Variants in HIVEP3 observed in about 807,000 individuals in gnomAD.
HIVEP3 encodes HIVEP zinc finger 3, also known as transcription factor HIVEP3.
Under a neutral mutation model 152.8 loss-of-function variants are expected in HIVEP3, and 49 were observed. The ratio of observed to expected loss-of-function variants is 0.32; its 90% CI spans 0.26 to 0.41. HIVEP3 has a LOEUF of 0.41. Among genes scored for constraint, HIVEP3 ranks in the 10% least tolerant of loss-of-function variants. The pLI is 1.00. For synonymous variants in HIVEP3, 1,269 were observed against 1,289.0 expected (o/e 0.98, Z 0.33); for missense variants, 2,790 against 3,103.3 (o/e 0.90, Z 2.40).
chr1:41,601,251 A>G (rs1644744666), intron 3 of HIVEP3, among the ~76,000 whole-genome samples: 1 of 152,170 alleles, frequency 6.6e-6, no homozygotes, highest in African/African-American at 2.4e-5. Context: ...GTGGTTCCAT[A>G]TAAATCACAG....
At chr1:41,769,293 A>G (rs890832780) in intron 1 of HIVEP3, among the ~76,000 whole-genome samples, 1 of 152,230 alleles carries the variant, frequency 6.6e-6, no homozygotes. Flanking sequence ...ACGGGGGGTT[A>G]GTGACTCAGG....
intron 1 of HIVEP3, among the ~76,000 whole-genome samples, chr1:41,722,467 C>CTTT (rs1646690843): frequency 2.0e-5 from 2 of 99,290 alleles, no homozygotes; most frequent in Admixed American, 9.5e-5. Context: ...CTTCCTTCCT[C>CTTT]CCCTTCCCTC....
Position 41,582,007 on chromosome 1 carries a change from T to C in HIVEP3, c.2791A>G (p.Ser931Gly). The change falls in exon 4 of 9, where the codon AGC (serine) becomes GGC (glycine). Residue 931 changes from serine to glycine, a missense_variant. This residue lies in a region of HIVEP3 where 1,078 missense variants were observed against 1,165.3 expected (regional missense o/e 0.93). Transcript: ENST00000372583. This position sits in a 1 kb window ranked among gnomAD's most constrained non-coding sequence, Gnocchi z 4.7. ...SFESSVPLSR[S>G]PSQESNVSLS... is the part of the protein sequence containing the mutation. ...GAGACATTGCTTTCCTGGCTCGGGC[T>C]GCGAGACAGAGGCACAGAGGACTCG... 6.2e-7 allele frequency: 1 copy of C among 1,614,160 alleles called. No homozygotes were observed. Among genetic ancestry groups the C allele is most frequent in the Non-Finnish European group, 8.5e-7 (1 of 1,180,018 alleles).
At chr1:41,740,425 C>T (rs556707875) in intron 1 of HIVEP3, among the ~76,000 whole-genome samples, 6 of 152,284 alleles carry the variant, frequency 3.9e-5, no homozygotes, top group East Asian at 1.9e-4. Context: ...TGTGATTGGG[C>T]GAGGAGGGAA....
chr1:41,675,300 G>C (rs1309766366), intron 2 of HIVEP3, among the ~76,000 whole-genome samples: 8 of 152,106 alleles, frequency 5.3e-5, no homozygotes, highest in Non-Finnish European at 1.2e-4. Flanking sequence ...GGTGCCCCCT[G>C]CCTCAGGGCC....
At chr1:41,961,844 T>C (rs1169375009) in intron 1 of HIVEP3, among the ~76,000 whole-genome samples, 1 of 152,246 alleles carries the variant, frequency 6.6e-6, no homozygotes, top group African/African-American at 2.4e-5. Context: ...TCCCGGAAAA[T>C]AATATCACTC....
At chr1:42,020,231 CTTTT>C (rs1314578690) in intron 1 of HIVEP3, among the ~76,000 whole-genome samples, 1 of 151,634 alleles carries the variant, frequency 6.6e-6, no homozygotes, top group African/African-American at 2.4e-5. Flanking sequence ...GGAAATGTTA[CTTTT>C]TTTTCTATTC....
At chr1:41,774,681 T>A (rs574903338) in intron 1 of HIVEP3, among the ~76,000 whole-genome samples, 1 of 152,196 alleles carries the variant, frequency 6.6e-6, no homozygotes, top group African/African-American at 2.4e-5. Flanking sequence ...GATTAAATAA[T>A]ACATTTTAGA....
chr1:41,984,398 G>T (rs1645310467), intron 1 of HIVEP3, among the ~76,000 whole-genome samples: 1 of 152,170 alleles, frequency 6.6e-6, no homozygotes, highest in South Asian at 2.1e-4. Context: ...AATATGACCT[G>T]AATGGGGGAA....
At chr1:41,756,557 T>C (rs1647316981) in intron 1 of HIVEP3, among the ~76,000 whole-genome samples, 1 of 152,200 alleles carries the variant, frequency 6.6e-6, no homozygotes, top group Admixed American at 6.5e-5. Flanking sequence ...TCAAAGTTGT[T>C]TATAACAGTG....
intron 1 of HIVEP3, among the ~76,000 whole-genome samples, chr1:42,017,774 T>C (rs953451733): frequency 2.0e-5 from 3 of 152,132 alleles, no homozygotes; most frequent in East Asian, 1.9e-4. Flanking sequence ...TTGTTTGTCA[T>C]ATACCTAGGA....
chr1:41,833,611 C>T (rs531219594), intron 1 of HIVEP3, among the ~76,000 whole-genome samples: 119 of 152,230 alleles, frequency 7.8e-4, no homozygotes, highest in African/African-American at 2.6e-3. Context: ...TTGTAATTAC[C>T]ATTATAAAAG....
rs560307331 is a variant in HIVEP3, at chr1:42,027,774, G to A, written n.119+8033C>T. 2.0e-5 allele frequency among the ~76,000 whole-genome samples: 3 copies of A among 152,316 alleles called. No individual in the cohort carries two copies. The East Asian group carries it at 5.8e-4, about 29-fold the overall frequency. ...GGTAAAAGGCACTTCTTACATGGCG[G>A]TGGCAAGAGAAAAATGAGGAAGAAG... On this transcript the variant is annotated intron_variant and non_coding_transcript_variant, in intron 1 of 3. Coordinates refer to the HIVEP3 transcript ENST00000489103.
At chr1:41,525,436 A>G (rs1642873460) in intron 5 of HIVEP3, among the ~76,000 whole-genome samples, 1 of 152,180 alleles carries the variant, frequency 6.6e-6, no homozygotes, top group Non-Finnish European at 1.5e-5. Context: ...AGACTTGTCC[A>G]AGATCCCATA....
At chr1:41,620,653 T>C (rs1209612964) in intron 3 of HIVEP3, among the ~76,000 whole-genome samples, 2 of 152,104 alleles carry the variant, frequency 1.3e-5, no homozygotes, top group Non-Finnish European at 2.9e-5. Flanking sequence ...TTCCAGCAGC[T>C]CTCACATTCA....
rs539491406 is a variant in HIVEP3, at chr1:41,514,578, T to C, written c.5471-828A>G. Among the ~76,000 whole-genome samples, 17 of 152,320 alleles carry C rather than the reference T, an allele frequency of 1.1e-4. No individual in the cohort carries two copies. In the East Asian group the frequency reaches 2.9e-3, roughly 26 times the overall value. On this transcript the variant is annotated intron_variant, in intron 7 of 8. Coordinates refer to ENST00000372583, the MANE Select transcript of HIVEP3 (RefSeq NM_024503.5). Reference sequence around the variant, plus strand: ...GGTCCCCATCCCAGCCACGCTCTTATCTGAGGAGCCACTGCCCTTTTGAAG... The same window carrying C: ...GGTCCCCATCCCAGCCACGCTCTTACCTGAGGAGCCACTGCCCTTTTGAAG...
chr1:41,641,030 G>A (rs1241975128), intron 2 of HIVEP3, among the ~76,000 whole-genome samples: 1 of 152,172 alleles, frequency 6.6e-6, no homozygotes, highest in Non-Finnish European at 1.5e-5. Flanking sequence ...AAAATGGTAC[G>A]GTTGGCTTCC....
At chr1:41,724,596 T>C (rs1249890779) in intron 1 of HIVEP3, among the ~76,000 whole-genome samples, 1 of 152,174 alleles carries the variant, frequency 6.6e-6, no homozygotes, top group African/African-American at 2.4e-5. Flanking sequence ...TGATGGAGAC[T>C]GGAGGCTTCC....
chr1:41,520,347 T>G (rs574494778), intron 6 of HIVEP3, among the ~76,000 whole-genome samples: 2 of 152,282 alleles, frequency 1.3e-5, no homozygotes, highest in Non-Finnish European at 2.9e-5. Context: ...GTTTTCCTCC[T>G]ACAACCGGAA....
Sources: gnomAD v4.1 joint callset for allele counts (sites outside exome capture counted in the v4.1 genomes callset) on GRCh38, gnomAD v4.1.1 for gene constraint, gnomAD v4.1.1 regional missense constraint, Gnocchi (gnomAD v3.1) non-coding constraint, MANE v1.5 for transcripts, NCBI Gene and HGNC (gene_info 2026-07-23, HGNC 2026-07-21) for gene names.